ADGRB1: variants seen among roughly 807,000 people sequenced by gnomAD.
ADGRB1 encodes brain-specific angiogenesis inhibitor 1.
In ADGRB1, 36 loss-of-function variants were observed where a neutral mutation model predicts 175.7. The ratio of observed to expected loss-of-function variants is 0.20; its 90% CI spans 0.16 to 0.27. ADGRB1 has a LOEUF of 0.27. ADGRB1 is among the 10% of genes least tolerant of loss of function. The pLI is 1.00. For missense variants in ADGRB1, 1,731 were observed against 2,255.3 expected (o/e 0.77, Z 4.71); for synonymous variants, 1,054 against 979.4 (o/e 1.08, Z -1.42).
Position 142,455,181 on chromosome 8 carries a change from T to C in ADGRB1, c.-220+5077T>C, listed in dbSNP as rs1033556332. ...CTGCCGCCGGCACCACACTGCACCA[T>C]CATTCCTATCTGACCCCACCTCCAT... On this transcript the variant is annotated intron_variant, in intron 1 of 30. Coordinates refer to ENST00000517894, the MANE Select transcript of ADGRB1 (RefSeq NM_001702.3). The surrounding 1 kb of genome is among the most constrained non-coding windows in gnomAD (Gnocchi z 4.9). Among the ~76,000 whole-genome samples the C allele has an allele frequency of 7.4e-6, 1 of 134,744 alleles. No individual in the cohort carries two copies. The highest frequency in any genetic ancestry group is 2.7e-4 in the South Asian group (1 of 3,712). The allele number at this position is 134,744 out of a possible 152,430, so 88.4% of individuals were successfully genotyped here. A position where few individuals can be genotyped will look rare whatever the true frequency, so the allele number is the denominator to read the frequency against.
chr8:142,450,431 C>T (rs1009295335), intron 1 of ADGRB1, among the ~76,000 whole-genome samples: 5 of 152,136 alleles, frequency 3.3e-5, no homozygotes, highest in African/African-American at 1.2e-4. Flanking sequence ...AGCCTGGCAC[C>T]CCTCTTCATC....
intron 1 of ADGRB1, among the ~76,000 whole-genome samples, chr8:142,462,473 C>A (rs764713436): frequency 6.6e-6 from 1 of 152,244 alleles, no homozygotes; most frequent in Non-Finnish European, 1.5e-5. Context: ...CCAAGTCCAG[C>A]CTCCGGCCTC....
chr8:142,488,274 G>A, intron 13 of ADGRB1, 90 bp from the exon 14 acceptor site: 1 of 1,536,434 alleles, frequency 6.5e-7, no homozygotes, highest in South Asian at 1.2e-5. Flanking sequence ...TGCACTGCCA[G>A]GCCTGCACCT....
intron 16 of ADGRB1, among the ~76,000 whole-genome samples, chr8:142,489,648 C>T (rs1340501292): frequency 6.6e-6 from 1 of 152,154 alleles, no homozygotes; most frequent in Non-Finnish European, 1.5e-5. Flanking sequence ...GGTGCCGAAA[C>T]CCCATCTGTG....
At chr8:142,523,138 G>A (rs544440586) in intron 22 of ADGRB1, among the ~76,000 whole-genome samples, 1 of 152,340 alleles carries the variant, frequency 6.6e-6, no homozygotes, top group East Asian at 1.9e-4. Context: ...AGGGGTCGGA[G>A]GCTTATTTCA....
chr8:142,542,098 G>T lies in ADGRB1; in HGVS notation c.3864G>T (p.Leu1288=), dbSNP rs34364916. The T allele has an allele frequency of 0.15, 235,823 of 1,613,192 alleles. 18,449 individuals are homozygous for T. The highest frequency in any genetic ancestry group is 0.23 in the South Asian group (21,018 of 91,082). Residue 1288 remains leucine, a synonymous_variant, in exon 28 of 31, where the codon CTG becomes CTT. Coordinates refer to ENST00000517894, the MANE Select transcript of ADGRB1 (RefSeq NM_001702.3). The surrounding 1 kb of genome is among the most constrained non-coding windows in gnomAD (Gnocchi z 6.3). ...CGGCCAACGTGTCCAAGCTGCACCT[G>T]CACGGCTCACCCCGCTATCCCGGCG... ...SLPANVSKLH[L]HGSPRYPGGP...
chr8:142,475,664 G>A, intron 3 of ADGRB1, 29 bp downstream of exon 3: 1 of 1,224,378 alleles, frequency 8.2e-7, no homozygotes. Flanking sequence ...GGGCGGAGCC[G>A]GAGCCCTGGA....
At position 142,519,788 on chromosome 8, in the gene ADGRB1, GGTA is replaced by G. The variant is rs1301400992; in HGVS notation, c.2922-1032_2922-1030del. 6.9e-4 allele frequency among the ~76,000 whole-genome samples: 104 copies of G among 151,252 alleles called. 2 individuals are homozygous for G. Among genetic ancestry groups the G allele is most frequent in the South Asian group, 6.3e-4 (3 of 4,776 alleles). Reference sequence around the variant, plus strand: ...TGGTGATGGTAGTGATGGTGATGGTGGTAGTGGTGGTTGTGATGGTGTTGGTGC... The same window carrying G: ...TGGTGATGGTAGTGATGGTGATGGTGGTGGTGGTTGTGATGGTGTTGGTGC... On this transcript the variant is annotated intron_variant, in intron 19 of 30. Coordinates refer to ENST00000517894, the MANE Select transcript of ADGRB1 (RefSeq NM_001702.3).
chr8:142,498,838 C>T (rs535016659), intron 17 of ADGRB1, among the ~76,000 whole-genome samples: 11 of 152,320 alleles, frequency 7.2e-5, no homozygotes, highest in Non-Finnish European at 1.5e-4. Flanking sequence ...TGTGACAGCC[C>T]CCATGTGGCA....
chr8:142,526,510 C>A, intron 23 of ADGRB1, 32 bp from the exon 24 acceptor site: 5 of 1,267,108 alleles, frequency 3.9e-6, no homozygotes, highest in Admixed American at 2.0e-5. Context: ...GCGGCCCCCA[C>A]CCCCACACCC....
chr8:142,485,532 GT>G (rs1424681761), intron 13 of ADGRB1, among the ~76,000 whole-genome samples: 1 of 152,164 alleles, frequency 6.6e-6, no homozygotes, highest in Admixed American at 6.5e-5. Context: ...CTCTACAAAT[GT>G]TTTTTAAAAA....
intron 24 of ADGRB1, among the ~76,000 whole-genome samples, chr8:142,528,638 C>T (rs1443386336): frequency 1.3e-5 from 2 of 151,196 alleles, no homozygotes; most frequent in African/African-American, 2.4e-5. Flanking sequence ...CCACCAGTAA[C>T]GCCATGTTAG....
intron 1 of ADGRB1, among the ~76,000 whole-genome samples, chr8:142,450,580 T>C (rs1471905663): frequency 6.6e-6 from 1 of 150,798 alleles, no homozygotes; most frequent in Non-Finnish European, 1.5e-5. Context: ...CCCCCGAGCG[T>C]GTCCCCCTCC....
rs904605360 is a variant in ADGRB1, at chr8:142,467,419, G to A, written c.784+2437G>A. Among the ~76,000 whole-genome samples, 83 of 152,192 alleles carry A rather than the reference G, an allele frequency of 5.5e-4. 2 individuals are homozygous for A. Among genetic ancestry groups the A allele is most frequent in the Non-Finnish European group, 2.9e-5 (2 of 68,030 alleles). On this transcript the variant is annotated intron_variant, in intron 2 of 30. Coordinates refer to ENST00000517894, the MANE Select transcript of ADGRB1 (RefSeq NM_001702.3). Reference sequence around the variant, plus strand: ...AGGAGGGCCTTGGGGTGCAGCTGATGATCGACTTACTGATGAAAGGATGTG... The same window carrying A: ...AGGAGGGCCTTGGGGTGCAGCTGATAATCGACTTACTGATGAAAGGATGTG...
At position 142,464,782 on chromosome 8, in the gene ADGRB1, C is replaced by T. The variant is rs1279016969; in HGVS notation, c.584C>T (p.Ala195Val). The T allele has an allele frequency of 5.9e-6, 9 of 1,535,064 alleles. No homozygotes were observed. The highest frequency in any genetic ancestry group is 7.9e-6 in the Non-Finnish European group (9 of 1,145,700). Residue 195 changes from alanine (A) to valine (V), a missense_variant, in exon 2 of 31, where the codon GCG becomes GTG. Transcript: ENST00000517894. ...ACQMLCRWLDACLAGSRSSHP... is the reference protein window; with the variant it reads ...ACQMLCRWLDVCLAGSRSSHP... ...CAGATGCTGTGCCGCTGGCTGGACG[C>T]GTGTCTGGCCGGTAGTCGCAGCTCG...
At chr8:142,532,198 T>G (rs1844660026) in intron 24 of ADGRB1, among the ~76,000 whole-genome samples, 1 of 152,138 alleles carries the variant, frequency 6.6e-6, no homozygotes, top group African/African-American at 2.4e-5. Context: ...GTGATGACAG[T>G]CCTGCGGGCT....
intron 2 of ADGRB1, among the ~76,000 whole-genome samples, chr8:142,466,461 G>C (rs376423343): frequency 6.6e-6 from 1 of 152,242 alleles, no homozygotes; most frequent in Admixed American, 6.5e-5. Context: ...AGGGACAGGC[G>C]TGAGGCTTGG....
intron 9 of ADGRB1, 95 bp from the exon 10 acceptor site, chr8:142,481,159 A>G: frequency 8.6e-7 from 1 of 1,160,802 alleles, no homozygotes; most frequent in East Asian, 2.4e-5. Context: ...TGGGGGCCAC[A>G]GGGTCCCTTC....
rs116194121 is a variant in ADGRB1, at chr8:142,453,904, G to A, written c.-220+3800G>A. On this transcript the variant is annotated intron_variant, in intron 1 of 30. Coordinates refer to ENST00000517894, the MANE Select transcript of ADGRB1 (RefSeq NM_001702.3). ...AGAGGTCCGGGCAGAAGGAAGAGCC[G>A]GCAGTGCAAAGGCCCTGGGGCAGGG... Among the ~76,000 whole-genome samples the A allele has an allele frequency of 4.5e-3, 687 of 152,282 alleles. 5 individuals carry two copies. Among genetic ancestry groups the A allele is most frequent in the African/African-American group, 0.016 (659 of 41,566 alleles).
Sources: gnomAD v4.1 joint callset for allele counts (sites outside exome capture counted in the v4.1 genomes callset) on GRCh38, gnomAD v4.1.1 for gene constraint, Gnocchi (gnomAD v3.1) non-coding constraint, MANE v1.5 for transcripts, NCBI Gene and HGNC (gene_info 2026-07-23, HGNC 2026-07-21) for gene names.